NSG2: variants seen among roughly 807,000 people sequenced by gnomAD.
The protein encoded by NSG2 is neuronal vesicle trafficking-associated protein 2.
A neutral mutation model predicts 16.9 loss-of-function variants in NSG2; 4 were observed. The ratio of observed to expected loss-of-function variants is 0.24; its 90% CI spans 0.12 to 0.54. NSG2 has a LOEUF of 0.54. Ranked by LOEUF, NSG2 falls within the 20% of genes least tolerant of loss-of-function variation. The pLI, the probability that NSG2 is intolerant of heterozygous loss-of-function variation, is 0.95. For synonymous variants in NSG2, 98 were observed against 88.7 expected, an observed-to-expected ratio of 1.11 and a Z score of -0.59; for missense variants, 179 against 221.1, an observed-to-expected ratio of 0.81 and a Z score of 1.21.
intron 2 of NSG2, among the ~76,000 whole-genome samples, chr5:174,053,324 C>T (rs2113421527): frequency 6.6e-6 from 1 of 152,100 alleles, no homozygotes; most frequent in Middle Eastern, 3.4e-3. Context: ...GAATATGTCT[C>T]TTGAAGATGA....
In NSG2 at chr5:174,070,889, G is replaced by A. The variant is rs144642160; in HGVS notation, c.213+6574G>A. Among the ~76,000 whole-genome samples, 4 of 152,326 alleles carry A rather than the reference G, an allele frequency of 2.6e-5. No individual in the cohort carries two copies. In the East Asian group the frequency reaches 7.7e-4, roughly 29 times the overall value. ...TGTTCCCAGTTCCCAGCACTGGCCT[G>A]GCATGGAGCAGGCTTTGGGTGTGTT... On this transcript the variant is annotated intron_variant, in intron 3 of 4. Coordinates refer to ENST00000303177, the MANE Select transcript of NSG2 (RefSeq NM_015980.5).
intron 3 of NSG2, among the ~76,000 whole-genome samples, chr5:174,087,628 A>T (rs966979541): frequency 2.0e-5 from 3 of 147,112 alleles, no homozygotes; most frequent in Non-Finnish European, 4.5e-5. Context: ...AAAAAATAAT[A>T]AAAAAAAAAT....
intron 3 of NSG2, among the ~76,000 whole-genome samples, chr5:174,100,259 G>A (rs1760878144): frequency 6.6e-6 from 1 of 152,258 alleles, no homozygotes; most frequent in African/African-American, 2.4e-5. Flanking sequence ...ACACAGGACT[G>A]CTTGCATGTG....
chr5:174,089,536 C>T (rs763224905), intron 3 of NSG2, among the ~76,000 whole-genome samples: 1 of 150,982 alleles, frequency 6.6e-6, no homozygotes, highest in Non-Finnish European at 1.5e-5. Flanking sequence ...AAAAAAGATA[C>T]CCCAGGCTTC....
At chr5:174,070,826 G>A (rs1034954937) in intron 3 of NSG2, among the ~76,000 whole-genome samples, 1 of 152,126 alleles carries the variant, frequency 6.6e-6, no homozygotes, top group Non-Finnish European at 1.5e-5. Context: ...TCTAGCTTCT[G>A]ATCCCTGGAG....
intron 3 of NSG2, among the ~76,000 whole-genome samples, chr5:174,064,659 T>TG (rs1356738778): frequency 6.6e-6 from 1 of 152,094 alleles, no homozygotes; most frequent in Non-Finnish European, 1.5e-5. Context: ...TGACTCACAT[T>TG]TTAGTCCTTC....
rs1413844740 is a variant in NSG2, at chr5:174,107,531, G to A, written c.*26G>A. On this transcript the variant is annotated 3_prime_UTR_variant, in exon 5 of 5. Transcript: ENST00000303177. The surrounding 1 kb of genome is among the most constrained non-coding windows in gnomAD (Gnocchi z 4.5). Reference sequence around the variant, plus strand: ...AGGCCTGCCCCAGCCAGAATGGGGGGCGGGGTGGAGAGGAGGACCCCCATT... The same window carrying A: ...AGGCCTGCCCCAGCCAGAATGGGGGACGGGGTGGAGAGGAGGACCCCCATT... 15 of 1,590,552 alleles carry A rather than the reference G, an allele frequency of 9.4e-6. No individual in the cohort carries two copies. The South Asian group carries it at 1.7e-4, about 18-fold the overall frequency.
intron 4 of NSG2, among the ~76,000 whole-genome samples, chr5:174,105,318 G>A (rs1056878867): frequency 3.3e-5 from 5 of 152,138 alleles, no homozygotes; most frequent in East Asian, 1.9e-4. Flanking sequence ...CAATCTGACC[G>A]CCTCTAGCTG....
At chr5:174,063,566 T>TACA (rs1172334533) in intron 2 of NSG2, among the ~76,000 whole-genome samples, 15 of 142,342 alleles carry the variant, frequency 1.1e-4, no homozygotes, top group African/African-American at 3.9e-4. Context: ...TTATTTTATT[T>TACA]TATTTATTTA....
intron 2 of NSG2, among the ~76,000 whole-genome samples, chr5:174,057,038 G>A (rs530794367): frequency 2.2e-4 from 34 of 152,212 alleles, no homozygotes; most frequent in Admixed American, 1.8e-3. Flanking sequence ...AGGACAATGG[G>A]GATCCAATGT....
intron 3 of NSG2, among the ~76,000 whole-genome samples, chr5:174,065,982 G>A (rs896890894): frequency 2.6e-5 from 4 of 152,230 alleles, no homozygotes; most frequent in African/African-American, 9.7e-5. Context: ...ATGACTCGTG[G>A]TTGGTTATCT....
intron 3 of NSG2, chr5:174,086,335 G>A (rs1760620780): frequency 6.6e-6 from 1 of 152,254 alleles, no homozygotes; most frequent in African/African-American, 2.4e-5. Flanking sequence ...ACAAAAGAAA[G>A]TAATGAAAGC....
intron 2 of NSG2, among the ~76,000 whole-genome samples, chr5:174,048,027 G>T (rs1169719461): frequency 6.6e-6 from 1 of 152,192 alleles, no homozygotes; most frequent in Non-Finnish European, 1.5e-5. Context: ...TTGGCCAGAG[G>T]TTGAATCATT....
intron 3 of NSG2, among the ~76,000 whole-genome samples, chr5:174,085,908 T>C (rs1354760793): frequency 6.6e-6 from 1 of 152,220 alleles, no homozygotes; most frequent in Non-Finnish European, 1.5e-5. Context: ...CAAACCGTTG[T>C]TGTTATTTTG....
intron 3 of NSG2, among the ~76,000 whole-genome samples, chr5:174,071,490 A>C (rs559576925): frequency 6.6e-6 from 1 of 152,228 alleles, no homozygotes; most frequent in Non-Finnish European, 1.5e-5. Context: ...AGTAACAACA[A>C]CAGCAACAAC....
intron 3 of NSG2, among the ~76,000 whole-genome samples, chr5:174,068,286 A>G (rs1247628417): frequency 3.3e-5 from 5 of 152,150 alleles, no homozygotes; most frequent in African/African-American, 1.2e-4. Flanking sequence ...TGAATAGAGA[A>G]AGATGAGCTG....
intron 1 of NSG2, among the ~76,000 whole-genome samples, chr5:174,046,356 G>A (rs932526278): frequency 1.8e-5 from 2 of 108,954 alleles, no homozygotes; most frequent in African/African-American, 4.7e-5. Context: ...ACTGCAGGCG[G>A]GGGGGGTGGT....
chr5:174,100,433 G>A (rs530257260), intron 3 of NSG2, among the ~76,000 whole-genome samples: 37 of 152,316 alleles, frequency 2.4e-4, no homozygotes, highest in African/African-American at 7.9e-4. Flanking sequence ...CTCACAGCTA[G>A]TCCTACTAGA....
At chr5:174,060,225 C>T (rs1760027023) in intron 2 of NSG2, among the ~76,000 whole-genome samples, 1 of 152,114 alleles carries the variant, frequency 6.6e-6, no homozygotes, top group Admixed American at 6.5e-5. Flanking sequence ...TCAGTTCTGT[C>T]TCCTGTCTCA....
Sources: gnomAD v4.1 joint callset for allele counts (sites outside exome capture counted in the v4.1 genomes callset) on GRCh38, gnomAD v4.1.1 for gene constraint, Gnocchi (gnomAD v3.1) non-coding constraint, MANE v1.5 for transcripts, NCBI Gene and HGNC (gene_info 2026-07-23, HGNC 2026-07-21) for gene names.